CHL1: variants seen among roughly 807,000 people sequenced by gnomAD.
CHL1 encodes the protein neural cell adhesion molecule L1-like protein.
CHL1 carries 96 observed loss-of-function variants against 141.9 expected under a neutral mutation model. The observed-to-expected ratio is 0.68, with a 90% confidence interval of 0.57 to 0.80. The LOEUF (loss-of-function observed/expected upper bound fraction) is 0.80, where lower values mean the gene tolerates loss of function less well. Among genes scored for constraint, CHL1 ranks in the 30% least tolerant of loss-of-function variants. CHL1 has a pLI of 0.00. For synonymous variants in CHL1, 613 were observed against 502.2 expected, an observed-to-expected ratio of 1.22 and a Z score of -2.95; for missense variants, 1,820 against 1,457.2, an observed-to-expected ratio of 1.25 and a Z score of -4.05.
rs1489155807 is a variant in CHL1 at position 335,308 on chromosome 3, T to C, written c.386-5486T>C. Among the ~76,000 whole-genome samples the C allele has an allele frequency of 3.3e-5, 5 of 152,224 alleles. No individual in the cohort carries two copies. In the East Asian group the frequency reaches 9.6e-4, roughly 29 times the overall value. ...AGGATTTTACTCTGATTCACCAAAG[T>C]ATGTGAATGCCTGTAATGAAATGGG... On this transcript the variant is annotated intron_variant, in intron 5 of 27. Coordinates refer to ENST00000256509, the MANE Select transcript of CHL1 (RefSeq NM_006614.4).
intron 2 of CHL1, among the ~76,000 whole-genome samples, chr3:310,198 G>T (rs1233946564): frequency 6.6e-6 from 1 of 152,168 alleles, no homozygotes; most frequent in Non-Finnish European, 1.5e-5. Context: ...GGGAGGTCGA[G>T]GTGGGAGGAT....
chr3:406,514 C>G lies in CHL1; in HGVS notation c.*803C>G, dbSNP rs1709542702. On this transcript the variant is annotated 3_prime_UTR_variant, in exon 28 of 28. Coordinates refer to ENST00000256509, the MANE Select transcript of CHL1 (RefSeq NM_006614.4). ...TTGTTCAGGATTCTAATAGCTACAT[C>G]TACTTAATATCTTCATTTCTAAATT... The G allele has an allele frequency of 6.6e-6, 1 of 151,854 alleles. No homozygotes were observed. The highest frequency in any genetic ancestry group is 6.6e-5 in the Admixed American group (1 of 15,228). The allele number at this position is 151,854 out of a possible 1,614,324, so 9.4% of individuals were successfully genotyped here. A position where few individuals can be genotyped will look rare whatever the true frequency, so the allele number is the denominator to read the frequency against.
intron 2 of CHL1, among the ~76,000 whole-genome samples, chr3:250,772 T>G (rs1432228002): frequency 6.6e-6 from 1 of 152,194 alleles, no homozygotes; most frequent in Non-Finnish European, 1.5e-5. Flanking sequence ...TTGTATATTT[T>G]ATGACATTTT....
intron 1 of CHL1, among the ~76,000 whole-genome samples, chr3:219,523 A>T (rs1402837706): frequency 1.3e-5 from 2 of 152,154 alleles, no homozygotes; most frequent in Non-Finnish European, 2.9e-5. Flanking sequence ...AAAGAATGAG[A>T]TCATGTCCTT....
intron 9 of CHL1, among the ~76,000 whole-genome samples, chr3:347,745 T>A (rs1179654521): frequency 1.3e-5 from 2 of 152,190 alleles, no homozygotes; most frequent in Non-Finnish European, 2.9e-5. Context: ...GAGCTATGCA[T>A]CCTCTTAGGT....
chr3:347,802 C>T (rs1341337553), intron 9 of CHL1, among the ~76,000 whole-genome samples: 2 of 152,158 alleles, frequency 1.3e-5, no homozygotes, highest in African/African-American at 2.4e-5. Flanking sequence ...CAGCTGTCTG[C>T]CCAGGCATCA....
intron 1 of CHL1, among the ~76,000 whole-genome samples, chr3:221,605 G>A (rs1319899624): frequency 6.6e-6 from 1 of 152,156 alleles, no homozygotes; most frequent in Non-Finnish European, 1.5e-5. Context: ...AAAAGTAGAG[G>A]GAATTCGCAT....
chr3:366,241 CG>C, intron 15 of CHL1, 126 bp downstream of exon 15: 1 of 820,976 alleles, frequency 1.2e-6, no homozygotes, highest in Non-Finnish European at 1.9e-6. Context: ...GAGACCGAGG[CG>C]AGTGGATCAC....
At chr3:355,926 T>C (rs544334194) in intron 11 of CHL1, among the ~76,000 whole-genome samples, 6 of 152,278 alleles carry the variant, frequency 3.9e-5, no homozygotes, top group Admixed American at 2.6e-4. Context: ...TTCAAACCCA[T>C]TTCTTCATCA....
chr3:312,735 A>G (rs989133995), intron 2 of CHL1, among the ~76,000 whole-genome samples: 3 of 152,240 alleles, frequency 2.0e-5, no homozygotes, highest in African/African-American at 7.2e-5. Flanking sequence ...GGCTTTATAT[A>G]AGACATCTTG....
intron 10 of CHL1, among the ~76,000 whole-genome samples, chr3:351,833 C>T (rs1703292347): frequency 6.6e-6 from 1 of 152,052 alleles, no homozygotes; most frequent in African/African-American, 2.4e-5. Context: ...TATGTATGAG[C>T]AAAAGCAGCC....
At chr3:317,046 A>G (rs1361358810) in intron 2 of CHL1, among the ~76,000 whole-genome samples, 1 of 152,050 alleles carries the variant, frequency 6.6e-6, no homozygotes, top group South Asian at 2.1e-4. Flanking sequence ...ATCGTCAGCT[A>G]ATGGAGTCTT....
intron 1 of CHL1, among the ~76,000 whole-genome samples, chr3:215,789 G>A (rs1336802458): frequency 1.3e-5 from 2 of 152,064 alleles, no homozygotes; most frequent in African/African-American, 4.8e-5. Context: ...GTGCATTGAA[G>A]CATCTCTTTC....
chr3:305,448 C>A (rs1699139964), intron 2 of CHL1, among the ~76,000 whole-genome samples: 1 of 151,902 alleles, frequency 6.6e-6, no homozygotes, highest in African/African-American at 2.4e-5. Context: ...TGATAGTGAC[C>A]TCTGCCCTAT....
At chr3:252,361 G>GGTATATATATATAT (rs1234667501) in intron 2 of CHL1, among the ~76,000 whole-genome samples, 1 of 54,274 alleles carries the variant, frequency 1.8e-5, no homozygotes, top group Non-Finnish European at 3.3e-5. Context: ...AAAGCATCCA[G>GGTATATATATATAT]ATATATATAT....
At chr3:347,408 A>T (rs886148916) in intron 9 of CHL1, among the ~76,000 whole-genome samples, 6 of 152,128 alleles carry the variant, frequency 3.9e-5, no homozygotes, top group Admixed American at 1.3e-4. Flanking sequence ...CAGGAGGTAT[A>T]AAAAAATTGG....
At chr3:286,307 AG>A (rs1697135913) in intron 2 of CHL1, among the ~76,000 whole-genome samples, 1 of 152,094 alleles carries the variant, frequency 6.6e-6, no homozygotes, top group Non-Finnish European at 1.5e-5. Context: ...GTAAAGTGAA[AG>A]CAAGTTTATT....
intron 1 of CHL1, among the ~76,000 whole-genome samples, chr3:206,124 T>C (rs2124859307): frequency 6.6e-6 from 1 of 152,270 alleles, no homozygotes; most frequent in South Asian, 2.1e-4. Context: ...CCTACTGAGG[T>C]ATTAGATGAT....
At chr3:319,150 G>C (rs1575055238) in intron 2 of CHL1, among the ~76,000 whole-genome samples, 1 of 151,732 alleles carries the variant, frequency 6.6e-6, no homozygotes, top group African/African-American at 2.4e-5. Context: ...GAATATTATG[G>C]ACATAAAGAT....
Sources: allele counts gnomAD v4.1 joint callset (sites outside exome capture counted in the v4.1 genomes callset), GRCh38; gene constraint gnomAD v4.1.1; transcripts MANE v1.5; gene names NCBI Gene and HGNC (gene_info 2026-07-23, HGNC 2026-07-21).